Variants in SLC44A1 observed in about 807,000 individuals in gnomAD.
SLC44A1 encodes the protein solute carrier family 44 member 1.
In SLC44A1, 26 loss-of-function variants were observed where a neutral mutation model predicts 79.3. The observed-to-expected ratio is 0.33, with a 90% confidence interval of 0.24 to 0.46. SLC44A1 has a LOEUF of 0.46. SLC44A1 is among the 20% of genes least tolerant of loss of function. The probability of loss-of-function intolerance (pLI) is 1.00; values close to 1 mark genes in which losing one functional copy is unlikely to be tolerated. For synonymous variants in SLC44A1, 263 were observed against 286.2 expected, an observed-to-expected ratio of 0.92 and a Z score of 0.82; for missense variants, 688 against 798.1, an observed-to-expected ratio of 0.86 and a Z score of 1.66.
At chr9:105,383,576 A>G (rs1203241498) in intron 14 of SLC44A1, among the ~76,000 whole-genome samples, 1 of 152,242 alleles carries the variant, frequency 6.6e-6, no homozygotes, top group Non-Finnish European at 1.5e-5. Flanking sequence ...TAGCTAGAGC[A>G]GTACTGGTTA....
chr9:105,327,352 A>T (rs1826610927), intron 3 of SLC44A1, among the ~76,000 whole-genome samples: 1 of 151,886 alleles, frequency 6.6e-6, no homozygotes. Flanking sequence ...GTGCAATCTC[A>T]ACTCACTGCA....
At chr9:105,277,475 C>T (rs1281229475) in intron 1 of SLC44A1, among the ~76,000 whole-genome samples, 1 of 152,172 alleles carries the variant, frequency 6.6e-6, no homozygotes, top group Non-Finnish European at 1.5e-5. Flanking sequence ...AAATCTCAAG[C>T]AGGCCACACT....
chr9:105,351,878 C>T (rs1176213389), intron 5 of SLC44A1, among the ~76,000 whole-genome samples: 1 of 152,170 alleles, frequency 6.6e-6, no homozygotes, highest in Non-Finnish European at 1.5e-5. Flanking sequence ...TTATCTAAAG[C>T]CACACCACTA....
intron 1 of SLC44A1, among the ~76,000 whole-genome samples, chr9:105,282,847 G>A (rs1178124334): frequency 3.9e-5 from 6 of 152,038 alleles, no homozygotes; most frequent in Non-Finnish European, 8.8e-5. Flanking sequence ...CGCCTGGCAC[G>A]TCTTGATTTT....
intron 9 of SLC44A1, 148 bp downstream of exon 9, chr9:105,363,155 C>T (rs1306457198): frequency 1.6e-6 from 1 of 625,362 alleles, no homozygotes; most frequent in East Asian, 2.9e-5. Context: ...CCTCAACAAC[C>T]TACTTCATAT....
intron 1 of SLC44A1, among the ~76,000 whole-genome samples, chr9:105,282,999 T>C (rs1299616585): frequency 6.6e-6 from 1 of 152,200 alleles, no homozygotes. Flanking sequence ...GATGCTGAAA[T>C]GTCAGTGCAC....
intron 3 of SLC44A1, among the ~76,000 whole-genome samples, chr9:105,314,138 G>T (rs546592144): frequency 4.7e-4 from 72 of 152,138 alleles, no homozygotes; most frequent in Non-Finnish European, 8.8e-4. Flanking sequence ...GAGCAGAAAT[G>T]GTCCTGTTTA....
At chr9:105,315,691 T>C (rs1831305067) in intron 3 of SLC44A1, among the ~76,000 whole-genome samples, 1 of 152,226 alleles carries the variant, frequency 6.6e-6, no homozygotes. Flanking sequence ...TTTTGAAGAC[T>C]TTTTAAAGAG....
chr9:105,374,773 T>G (rs1443685195), intron 13 of SLC44A1, 38 bp downstream of exon 13: 1 of 1,512,924 alleles, frequency 6.6e-7, no homozygotes, highest in East Asian at 2.3e-5. Flanking sequence ...TACAGTAAAA[T>G]TTTGCATATA....
downstream of SLC44A1, among the ~76,000 whole-genome samples, chr9:105,399,623 A>G (rs1828930294): frequency 6.6e-6 from 1 of 152,246 alleles, no homozygotes; most frequent in African/African-American, 2.4e-5. Context: ...GAGGAAATCA[A>G]GAAAGGTACA....
intron 5 of SLC44A1, among the ~76,000 whole-genome samples, chr9:105,353,432 G>T (rs896315702): frequency 6.6e-6 from 1 of 151,546 alleles, no homozygotes; most frequent in Non-Finnish European, 1.5e-5. Flanking sequence ...AATTTGAAAA[G>T]AAAAAAAACA....
chr9:105,290,750 C>T (rs327982), intron 1 of SLC44A1, among the ~76,000 whole-genome samples: 21,544 of 152,170 alleles, frequency 0.14, 2,061 homozygotes, highest in African/African-American at 0.26. Flanking sequence ...TATATAAATA[C>T]CTAACTTACA....
At chr9:105,265,811 T>C (rs1829948646) in intron 1 of SLC44A1, among the ~76,000 whole-genome samples, 1 of 152,266 alleles carries the variant, frequency 6.6e-6, no homozygotes, top group Non-Finnish European at 1.5e-5. Context: ...ATTGTTGGCA[T>C]AGACGTTTAG....
At chr9:105,399,938 G>A (rs951718065), downstream of SLC44A1, among the ~76,000 whole-genome samples, 4 of 152,218 alleles carry the variant, frequency 2.6e-5, no homozygotes, top group Non-Finnish European at 4.4e-5. Context: ...GCTCATGCCT[G>A]TAATCCCAGC....
At chr9:105,406,835 T>C (rs1829035345) in intron 15 of SLC44A1, among the ~76,000 whole-genome samples, 1 of 152,070 alleles carries the variant, frequency 6.6e-6, no homozygotes, top group Non-Finnish European at 1.5e-5. Flanking sequence ...GTCTTAAATA[T>C]GCTCAAAGAC....
chr9:105,255,981 T>A (rs930819796), intron 1 of SLC44A1, among the ~76,000 whole-genome samples: 1 of 152,154 alleles, frequency 6.6e-6, no homozygotes, highest in African/African-American at 2.4e-5. Flanking sequence ...TGTTTTTGTG[T>A]TTGAGTTTTG....
chr9:105,294,451 GT>G (rs559972103), intron 1 of SLC44A1, among the ~76,000 whole-genome samples: 5 of 145,080 alleles, frequency 3.4e-5, no homozygotes, highest in Admixed American at 6.9e-5. Context: ...GTTGGTAGTT[GT>G]TTTTTTTTTC....
At chr9:105,411,013 A>G (rs533384283) in intron 15 of SLC44A1, among the ~76,000 whole-genome samples, 2 of 152,326 alleles carry the variant, frequency 1.3e-5, no homozygotes, top group East Asian at 1.9e-4. Flanking sequence ...AAGCACATTC[A>G]TGCTTATCAG....
chr9:105,251,015 C>T (rs1829571862), intron 1 of SLC44A1, among the ~76,000 whole-genome samples: 1 of 152,076 alleles, frequency 6.6e-6, no homozygotes, highest in Non-Finnish European at 1.5e-5. Flanking sequence ...TCTTCCTTAC[C>T]CTTTCTCTAG....
Sources: allele counts gnomAD v4.1 joint callset (sites outside exome capture counted in the v4.1 genomes callset), GRCh38; gene constraint gnomAD v4.1.1; transcripts MANE v1.5; gene names NCBI Gene and HGNC (gene_info 2026-07-23, HGNC 2026-07-21).